Variants in CSMD1 observed in about 807,000 individuals in gnomAD.
CSMD1 encodes CUB and Sushi multiple domains 1, also known as CUB and sushi domain-containing protein 1.
CSMD1 carries 213 observed loss-of-function variants against 417.5 expected under a neutral mutation model. The ratio of observed to expected loss-of-function variants is 0.51; its 90% CI spans 0.46 to 0.57. The LOEUF (loss-of-function observed/expected upper bound fraction) is 0.57. Ranked by LOEUF, CSMD1 falls within the 20% of genes least tolerant of loss-of-function variation. The probability of loss-of-function intolerance (pLI) is 0.00; values close to 1 mark genes in which losing one functional copy is unlikely to be tolerated. For missense variants in CSMD1, 6,923 were observed against 4,529.7 expected (o/e 1.53, Z -15.17); for synonymous variants, 2,862 against 1,736.8 (o/e 1.65, Z -16.11).
At chr8:3,704,374 C>G (rs1030839226) in intron 7 of CSMD1, among the ~76,000 whole-genome samples, 4 of 152,130 alleles carry the variant, frequency 2.6e-5, no homozygotes. Context: ...TCCATAGGAA[C>G]TCACACAGGG....
intron 60 of CSMD1, among the ~76,000 whole-genome samples, chr8:2,962,969 G>A (rs1205520427): frequency 2.0e-5 from 3 of 152,130 alleles, no homozygotes; most frequent in African/African-American, 7.2e-5. Context: ...GATGGTTTGA[G>A]CCCGAGAGAT....
intron 7 of CSMD1, among the ~76,000 whole-genome samples, chr8:3,643,172 C>A (rs1252405273): frequency 6.6e-6 from 1 of 151,944 alleles, no homozygotes; most frequent in Non-Finnish European, 1.5e-5. Flanking sequence ...GTGAGAGCCA[C>A]ATCCAGGAAG....
chr8:3,503,134 C>T (rs1336305005), intron 10 of CSMD1, among the ~76,000 whole-genome samples: 2 of 152,158 alleles, frequency 1.3e-5, no homozygotes, highest in Admixed American at 1.3e-4. Context: ...CCACAGTATA[C>T]AGTGTGAAAT....
chr8:4,201,299 G>A (rs986638505), intron 3 of CSMD1, among the ~76,000 whole-genome samples: 5 of 152,116 alleles, frequency 3.3e-5, no homozygotes, highest in Admixed American at 6.5e-5. Context: ...AGCACTTTGG[G>A]AGGCCGAGGC....
At chr8:3,996,041 G>A (rs986145555) in intron 5 of CSMD1, among the ~76,000 whole-genome samples, 24 of 152,178 alleles carry the variant, frequency 1.6e-4, no homozygotes, top group Non-Finnish European at 2.9e-4. Flanking sequence ...TTGCCATAAA[G>A]TGCTACAATG....
chr8:4,695,848 T>C (rs1316322746), intron 1 of CSMD1, among the ~76,000 whole-genome samples: 1 of 152,236 alleles, frequency 6.6e-6, no homozygotes, highest in Non-Finnish European at 1.5e-5. Context: ...CAGAGGATCA[T>C]CTAGACTGGT....
At chr8:4,213,622 A>G (rs2128803167) in intron 3 of CSMD1, among the ~76,000 whole-genome samples, 1 of 152,320 alleles carries the variant, frequency 6.6e-6, no homozygotes, top group East Asian at 1.9e-4. Context: ...GTTTTTAATG[A>G]ATTTTAAAAT....
intron 2 of CSMD1, among the ~76,000 whole-genome samples, chr8:4,562,453 C>G (rs1467851658): frequency 6.6e-6 from 1 of 152,054 alleles, no homozygotes; most frequent in East Asian, 1.9e-4. Context: ...TAATTCAACT[C>G]AAACTGTAGA....
At chr8:4,191,918 T>G (rs895037881) in intron 3 of CSMD1, among the ~76,000 whole-genome samples, 2 of 152,118 alleles carry the variant, frequency 1.3e-5, no homozygotes, top group Non-Finnish European at 2.9e-5. Flanking sequence ...AAGTGAGCAT[T>G]AGCACAATTC....
intron 5 of CSMD1, among the ~76,000 whole-genome samples, chr8:3,782,875 A>G (rs765430038): frequency 1.3e-5 from 2 of 152,218 alleles, no homozygotes; most frequent in African/African-American, 4.8e-5. Flanking sequence ...GGAATACTAT[A>G]CCGTGAGCCA....
At chr8:3,986,191 C>T (rs562806447) in intron 5 of CSMD1, among the ~76,000 whole-genome samples, 19 of 152,202 alleles carry the variant, frequency 1.2e-4, no homozygotes, top group East Asian at 3.9e-4. Flanking sequence ...TTTTAAGCTG[C>T]CCCTCGGTCC....
At chr8:4,674,512 A>T (rs1805550725) in intron 1 of CSMD1, among the ~76,000 whole-genome samples, 1 of 152,186 alleles carries the variant, frequency 6.6e-6, no homozygotes, top group Admixed American at 6.6e-5. Context: ...GTACGTACTC[A>T]GTAAAATCAG....
Position 3,851,213 on chromosome 8 carries a change from G to C in CSMD1, c.819-97171C>G, listed in dbSNP as rs982084849. ...CATGAGCCTGCTCATTATGCTAGAA[G>C]GTAGAATATTTGAAATAATGAATTT... On this transcript the variant is annotated intron_variant, in intron 5 of 69. Transcript: ENST00000635120. 3.3e-5 allele frequency among the ~76,000 whole-genome samples: 5 copies of C among 152,210 alleles called. No individual in the cohort carries two copies. The East Asian group carries it at 9.6e-4, about 29-fold the overall frequency.
chr8:4,805,154 C>A (rs965706062), intron 1 of CSMD1, among the ~76,000 whole-genome samples: 10 of 152,076 alleles, frequency 6.6e-5, no homozygotes, highest in South Asian at 2.1e-4. Flanking sequence ...GATGTTTTTT[C>A]CCCCTGGATG....
At chr8:4,953,339 T>A (rs936609343) in intron 1 of CSMD1, among the ~76,000 whole-genome samples, 1 of 152,170 alleles carries the variant, frequency 6.6e-6, no homozygotes, top group Non-Finnish European at 1.5e-5. Flanking sequence ...TAACTTTTCA[T>A]TAACAGATAC....
intron 1 of CSMD1, among the ~76,000 whole-genome samples, chr8:4,666,934 C>T (rs1031432650): frequency 6.6e-6 from 1 of 152,046 alleles, no homozygotes; most frequent in Admixed American, 6.6e-5. Flanking sequence ...TTCTTTGCCT[C>T]AATTTGTGAA....
chr8:3,477,717 C>A (rs1320965487), intron 11 of CSMD1, among the ~76,000 whole-genome samples: 1 of 152,154 alleles, frequency 6.6e-6, no homozygotes, highest in Non-Finnish European at 1.5e-5. Flanking sequence ...CTCTGGAAGG[C>A]CATATTTGCA....
At chr8:4,586,650 C>A (rs1266062787) in intron 2 of CSMD1, among the ~76,000 whole-genome samples, 3 of 152,154 alleles carry the variant, frequency 2.0e-5, no homozygotes, top group Admixed American at 6.5e-5. Flanking sequence ...AAAAACACAG[C>A]ACTAAAATCC....
intron 2 of CSMD1, among the ~76,000 whole-genome samples, chr8:4,527,317 A>G (rs1470015180): frequency 2.0e-5 from 3 of 152,178 alleles, no homozygotes; most frequent in Non-Finnish European, 4.4e-5. Context: ...ATTGTTATAT[A>G]AGTCTTCCTC....
Sources: allele counts gnomAD v4.1 joint callset (sites outside exome capture counted in the v4.1 genomes callset), GRCh38; gene constraint gnomAD v4.1.1; transcripts MANE v1.5; gene names NCBI Gene and HGNC (gene_info 2026-07-23, HGNC 2026-07-21).